The following MTSS1 variants were observed in gnomAD, a reference collection of about 807,000 sequenced individuals.
MTSS1 encodes the protein MTSS I-BAR domain containing 1, also known as protein MTSS 1.
Under a neutral mutation model 79.0 loss-of-function variants are expected in MTSS1, and 18 were observed. That is an observed-to-expected ratio of 0.23 (90% CI 0.16 to 0.34). The LOEUF is 0.34. MTSS1 is among the 10% of genes least tolerant of loss of function. The pLI, the probability that MTSS1 is intolerant of heterozygous loss-of-function variation, is 1.00. For synonymous variants in MTSS1, 341 were observed against 368.6 expected, an observed-to-expected ratio of 0.93 and a Z score of 0.86; for missense variants, 815 against 986.2, an observed-to-expected ratio of 0.83 and a Z score of 2.33.
At chr8:124,704,221 A>G (rs1234689596) in intron 1 of MTSS1, 30 bp from the exon 2 acceptor site, 2 of 1,589,448 alleles carry the variant, frequency 1.3e-6, no homozygotes, top group South Asian at 2.2e-5. Flanking sequence ...TCAGTAAGTC[A>G]CACTGCGATA....
chr8:124,576,608 A>C (rs1012237008), intron 6 of MTSS1, among the ~76,000 whole-genome samples: 2 of 152,160 alleles, frequency 1.3e-5, no homozygotes, highest in Non-Finnish European at 2.9e-5. Context: ...CAAACTAATA[A>C]ATGGAGGCTG....
intron 3 of MTSS1, among the ~76,000 whole-genome samples, chr8:124,690,806 A>G (rs2135224226): frequency 6.6e-6 from 1 of 152,370 alleles, no homozygotes; most frequent in Middle Eastern, 3.4e-3. Context: ...AATCAAACAC[A>G]TAAGCAACCA....
At chr8:124,591,793 T>C (rs1409981216) in intron 3 of MTSS1, among the ~76,000 whole-genome samples, 1 of 152,176 alleles carries the variant, frequency 6.6e-6, no homozygotes, top group Non-Finnish European at 1.5e-5. Context: ...AGGACTTTTT[T>C]TTTTTGAGAT....
chr8:124,707,504 G>A (rs547366453), intron 1 of MTSS1, among the ~76,000 whole-genome samples: 19 of 152,116 alleles, frequency 1.2e-4, no homozygotes, highest in Admixed American at 6.5e-4. Context: ...GAGGTCAGGA[G>A]TTCAAGACCA....
In MTSS1 at chr8:124,553,513, T is replaced by A; in HGVS notation, c.1747A>T (p.Thr583Ser). 1 of 1,613,882 alleles carries A rather than the reference T, an allele frequency of 6.2e-7. No homozygotes were observed. The highest frequency in any genetic ancestry group is 1.3e-5 in the African/African-American group (1 of 74,946). Residue 583 changes from threonine (T) to serine (S), a missense_variant, in exon 14 of 14, where the codon ACT (threonine) becomes TCT (serine). Transcript: ENST00000518547. The surrounding 1 kb of genome is among the most constrained non-coding windows in gnomAD (Gnocchi z 6.0). ...LPTTLGPAMV[T>S]PGVATIRRTP... ...CGTCGGATAGTTGCAACCCCTGGAG[T>A]GACCATAGCAGGTCCCAGGGTGGTG...
At chr8:124,638,525 C>T (rs532500953) in intron 3 of MTSS1, among the ~76,000 whole-genome samples, 11 of 152,278 alleles carry the variant, frequency 7.2e-5, no homozygotes, top group East Asian at 3.9e-4. Context: ...CCTTCCCCGG[C>T]GGAGATCCGT....
chr8:124,710,641 G>A lies in MTSS1; in HGVS notation c.73-6450C>T, dbSNP rs375647543. On this transcript the variant is annotated intron_variant, in intron 1 of 13. Coordinates refer to ENST00000518547, the MANE Select transcript of MTSS1 (RefSeq NM_014751.6). ...GTTTGGCTTCGTTTTGTTTCCTATT[G>A]AACAGAGGCCCAGGACGGCATCCCA... Among the ~76,000 whole-genome samples the A allele has an allele frequency of 7.6e-4, 115 of 152,278 alleles. 4 individuals carry two copies. In the South Asian group the frequency reaches 0.023, roughly 31 times the overall value.
At chr8:124,643,188 G>A (rs1215261551) in intron 3 of MTSS1, among the ~76,000 whole-genome samples, 3 of 152,164 alleles carry the variant, frequency 2.0e-5, no homozygotes, top group East Asian at 1.9e-4. Flanking sequence ...AAATGCTTAC[G>A]GCCCTCACTC....
At chr8:124,681,093 CA>C (rs1287804767) in intron 3 of MTSS1, among the ~76,000 whole-genome samples, 1 of 150,788 alleles carries the variant, frequency 6.6e-6, no homozygotes, top group Non-Finnish European at 1.5e-5. Flanking sequence ...GTGTCAGATG[CA>C]AAAAGGAAAA....
intron 3 of MTSS1, among the ~76,000 whole-genome samples, chr8:124,688,921 C>A (rs919542): frequency 0.062 from 9,430 of 150,938 alleles, 381 homozygotes; most frequent in Non-Finnish European, 0.085. Context: ...GCACTAGATA[C>A]TAGGTGAGCA....
chr8:124,613,633 G>A (rs1466564486), intron 3 of MTSS1, among the ~76,000 whole-genome samples: 2 of 152,192 alleles, frequency 1.3e-5, no homozygotes, highest in Non-Finnish European at 2.9e-5. Context: ...TATGGGGGCT[G>A]CTACGTACAG....
At chr8:124,672,543 T>C (rs1824437776) in intron 3 of MTSS1, among the ~76,000 whole-genome samples, 1 of 150,904 alleles carries the variant, frequency 6.6e-6, no homozygotes, top group African/African-American at 2.4e-5. Flanking sequence ...TGGTGGCTCA[T>C]GCATGTAATC....
intron 5 of MTSS1, among the ~76,000 whole-genome samples, chr8:124,588,965 T>C (rs760559505): frequency 2.0e-5 from 3 of 152,076 alleles, no homozygotes; most frequent in Admixed American, 6.5e-5. Flanking sequence ...TCTGCCCACC[T>C]GAGCCTCCTG....
At chr8:124,726,585 C>A (rs2135906176) in intron 1 of MTSS1, among the ~76,000 whole-genome samples, 1 of 152,340 alleles carries the variant, frequency 6.6e-6, no homozygotes, top group South Asian at 2.1e-4. Flanking sequence ...AAAGTTCACC[C>A]TGGGTGAGGT....
intron 3 of MTSS1, among the ~76,000 whole-genome samples, chr8:124,665,704 C>G (rs1233154804): frequency 6.6e-6 from 1 of 152,066 alleles, no homozygotes; most frequent in Non-Finnish European, 1.5e-5. Flanking sequence ...CCCGTCTCTA[C>G]TAAAAATACA....
At chr8:124,643,454 T>C (rs2134031099) in intron 3 of MTSS1, among the ~76,000 whole-genome samples, 1 of 152,160 alleles carries the variant, frequency 6.6e-6, no homozygotes, top group East Asian at 1.9e-4. Flanking sequence ...TCCCAGCACT[T>C]TGGGAGGCCG....
chr8:124,705,788 T>C (rs985464526), intron 1 of MTSS1, among the ~76,000 whole-genome samples: 1 of 152,348 alleles, frequency 6.6e-6, no homozygotes, highest in East Asian at 1.9e-4. Context: ...CTCAACACTA[T>C]GGACATTTGA....
chr8:124,667,346 A>C (rs978700078), intron 3 of MTSS1, among the ~76,000 whole-genome samples: 3 of 151,290 alleles, frequency 2.0e-5, no homozygotes, highest in Non-Finnish European at 4.4e-5. Context: ...TTTTACCACA[A>C]AAAAAAAATA....
At chr8:124,608,924 T>C (rs1835301902) in intron 3 of MTSS1, among the ~76,000 whole-genome samples, 1 of 152,198 alleles carries the variant, frequency 6.6e-6, no homozygotes, top group African/African-American at 2.4e-5. Flanking sequence ...TAAACTTCAG[T>C]ATACACAAGG....
Sources: allele counts gnomAD v4.1 joint callset (sites outside exome capture counted in the v4.1 genomes callset), GRCh38; gene constraint gnomAD v4.1.1; non-coding constraint Gnocchi (gnomAD v3.1); transcripts MANE v1.5; gene names NCBI Gene and HGNC (gene_info 2026-07-23, HGNC 2026-07-21).